Variants in CACNB2 observed in about 807,000 individuals in gnomAD.
CACNB2 encodes voltage-dependent L-type calcium channel subunit beta-2.
In CACNB2, 42 loss-of-function variants were observed where a neutral mutation model predicts 73.3. That is an observed-to-expected ratio of 0.57 (90% CI 0.45 to 0.74). The LOEUF (loss-of-function observed/expected upper bound fraction) is 0.74, where lower values mean the gene tolerates loss of function less well. Among genes scored for constraint, CACNB2 ranks in the 30% least tolerant of loss-of-function variants. The probability of loss-of-function intolerance (pLI) is 0.00; values close to 1 mark genes in which losing one functional copy is unlikely to be tolerated. For synonymous variants in CACNB2, 348 were observed against 310.3 expected, an observed-to-expected ratio of 1.12 and a Z score of -1.28; for missense variants, 940 against 853.0, an observed-to-expected ratio of 1.10 and a Z score of -1.27.
At chr10:18,227,653 C>T (rs1163851505) in intron 2 of CACNB2, among the ~76,000 whole-genome samples, 1 of 152,154 alleles carries the variant, frequency 6.6e-6, no homozygotes, top group African/African-American at 2.4e-5. Context: ...CAGATCTCTG[C>T]GCTGTTACTT....
intron 11 of CACNB2, among the ~76,000 whole-genome samples, chr10:18,535,602 C>A (rs961531670): frequency 2.0e-5 from 3 of 151,944 alleles, no homozygotes; most frequent in East Asian, 3.9e-4. Context: ...GAAACCCCGT[C>A]TCTACTAAAA....
intron 2 of CACNB2, chr10:18,261,243 A>T: frequency 1.9e-6 from 3 of 1,550,776 alleles, no homozygotes; most frequent in Non-Finnish European, 2.6e-6. Context: ...GTGAAGCCAC[A>T]CGCTGACTGC....
At chr10:18,512,090 C>G (rs2050828611) in intron 6 of CACNB2, among the ~76,000 whole-genome samples, 1 of 152,146 alleles carries the variant, frequency 6.6e-6, no homozygotes, top group South Asian at 2.1e-4. Context: ...GATTATGCAT[C>G]TTTTTTTCTT....
chr10:18,203,243 A>G (rs1469473908), intron 2 of CACNB2, among the ~76,000 whole-genome samples: 3 of 152,222 alleles, frequency 2.0e-5, no homozygotes, highest in Non-Finnish European at 4.4e-5. Context: ...TTATAGCCGA[A>G]TGATATCACA....
At chr10:18,343,178 T>C (rs1222979308) in intron 2 of CACNB2, among the ~76,000 whole-genome samples, 2 of 152,214 alleles carry the variant, frequency 1.3e-5, no homozygotes, top group Non-Finnish European at 2.9e-5. Flanking sequence ...ATCATTGCAT[T>C]GTAAATTTCT....
Position 18,299,421 on chromosome 10 carries a change from G to A in CACNB2, c.214-102503G>A, listed in dbSNP as rs1345616284. ...CAGAAATTCAGTGGAGAAGGGGAGC[G>A]GGAGCGTGGCTGCACCTCTGGCCTA... On this transcript the variant is annotated intron_variant, in intron 2 of 13. Transcript: ENST00000324631. Among the ~76,000 whole-genome samples, 4 of 152,156 alleles carry A rather than the reference G, an allele frequency of 2.6e-5. No homozygotes were observed. In the East Asian group the frequency reaches 5.8e-4, roughly 22 times the overall value.
At chr10:18,452,621 T>G (rs1478910917) in intron 3 of CACNB2, among the ~76,000 whole-genome samples, 2 of 152,204 alleles carry the variant, frequency 1.3e-5, no homozygotes, top group Non-Finnish European at 2.9e-5. Flanking sequence ...ATAGCTCCCC[T>G]GTCACCTCAA....
chr10:18,469,200 A>ATAGCTCCAGC (rs1398869748), intron 3 of CACNB2, among the ~76,000 whole-genome samples: 2 of 152,082 alleles, frequency 1.3e-5, no homozygotes, highest in Admixed American at 1.3e-4. Context: ...TGAGTGCACC[A>ATAGCTCCAGC]CTGCACTCCA....
intron 2 of CACNB2, among the ~76,000 whole-genome samples, chr10:18,193,522 A>G (rs1014142631): frequency 5.3e-5 from 8 of 152,140 alleles, no homozygotes; most frequent in African/African-American, 1.9e-4. Context: ...AGAAATCTCC[A>G]AGGAGATAGA....
intron 2 of CACNB2, among the ~76,000 whole-genome samples, chr10:18,337,368 C>T (rs1193239485): frequency 6.6e-6 from 1 of 152,186 alleles, no homozygotes; most frequent in Non-Finnish European, 1.5e-5. Context: ...TCCCAAAGTG[C>T]TGGCATTACA....
intron 3 of CACNB2, among the ~76,000 whole-genome samples, chr10:18,421,392 A>G (rs2045316644): frequency 6.6e-6 from 1 of 151,406 alleles, no homozygotes; most frequent in African/African-American, 2.4e-5. Context: ...CTGCCTCCCA[A>G]TTTCAAGTGA....
intron 2 of CACNB2, among the ~76,000 whole-genome samples, chr10:18,347,072 C>T (rs1038449195): frequency 2.0e-5 from 3 of 152,112 alleles, no homozygotes; most frequent in Non-Finnish European, 4.4e-5. Flanking sequence ...TGTTCTGTGC[C>T]GCCTAGTCTT....
chr10:18,207,506 G>A (rs2035145460), intron 2 of CACNB2, among the ~76,000 whole-genome samples: 2 of 152,194 alleles, frequency 1.3e-5, no homozygotes, highest in Admixed American at 1.3e-4. Flanking sequence ...CATGGATAAG[G>A]TGGGGTGGGG....
intron 7 of CACNB2, chr10:18,515,119 A>C (rs1589624009): frequency 1.3e-5 from 15 of 1,173,208 alleles, no homozygotes; most frequent in African/African-American, 3.0e-5. Context: ...TTACCATCTC[A>C]CCCTTTGGAC....
chr10:18,190,029 C>T (rs2034325321), intron 2 of CACNB2, among the ~76,000 whole-genome samples: 1 of 152,174 alleles, frequency 6.6e-6, no homozygotes, highest in Non-Finnish European at 1.5e-5. Context: ...ATGATGATCT[C>T]ACAGAGTTTG....
intron 2 of CACNB2, among the ~76,000 whole-genome samples, chr10:18,180,561 G>A (rs1271971333): frequency 1.3e-5 from 2 of 151,966 alleles, no homozygotes; most frequent in African/African-American, 4.8e-5. Flanking sequence ...TGCAAAATGG[G>A]AAAATTGTAT....
At chr10:18,381,926 G>T (rs530093470) in intron 2 of CACNB2, among the ~76,000 whole-genome samples, 1 of 151,902 alleles carries the variant, frequency 6.6e-6, no homozygotes, top group South Asian at 2.1e-4. Context: ...CCCCGGCATC[G>T]CCTGGGACAT....
At chr10:18,213,295 G>A (rs1277905589) in intron 2 of CACNB2, among the ~76,000 whole-genome samples, 2 of 152,156 alleles carry the variant, frequency 1.3e-5, no homozygotes, top group South Asian at 2.1e-4. Context: ...GTTTTCTCAC[G>A]TGTTAAGCTC....
chr10:18,295,243 C>T lies in CACNB2; in HGVS notation c.214-106681C>T, dbSNP rs187538807. On this transcript the variant is annotated intron_variant, in intron 2 of 13. Transcript: ENST00000324631. ...TTAGAAAATGGTGCACAATTCCAAA[C>T]TTTATTATAGAATCTCCATATATTC... Among the ~76,000 whole-genome samples, 156 of 152,298 alleles carry T rather than the reference C, an allele frequency of 1.0e-3. 1 individual carries two copies. Among genetic ancestry groups the T allele is most frequent in the African/African-American group, 3.6e-3 (150 of 41,562 alleles).
Sources: allele counts gnomAD v4.1 joint callset (sites outside exome capture counted in the v4.1 genomes callset), GRCh38; gene constraint gnomAD v4.1.1; transcripts MANE v1.5; gene names NCBI Gene and HGNC (gene_info 2026-07-23, HGNC 2026-07-21).